The following ITPR2 variants were observed in gnomAD, a reference collection of about 807,000 sequenced individuals.
The protein encoded by ITPR2 is inositol 1,4,5-trisphosphate receptor type 2, also known as inositol 1,4,5-trisphosphate-gated calcium channel ITPR2.
A neutral mutation model predicts 317.1 loss-of-function variants in ITPR2; 207 were observed. The ratio of observed to expected loss-of-function variants is 0.65; its 90% confidence interval spans 0.58 to 0.73. ITPR2 has a LOEUF of 0.73. ITPR2 is among the 30% of genes least tolerant of loss of function. The probability of loss-of-function intolerance (pLI) is 0.00; values close to 1 mark genes in which losing one functional copy is unlikely to be tolerated. For synonymous variants in ITPR2, 1,156 were observed against 1,149.1 expected (o/e 1.01, Z -0.12); for missense variants, 2,613 against 3,284.0 (o/e 0.80, Z 4.99).
chr12:26,487,877 T>C (rs983804089), intron 39 of ITPR2, among the ~76,000 whole-genome samples: 8 of 152,252 alleles, frequency 5.3e-5, no homozygotes, highest in Admixed American at 6.5e-5. Context: ...CTTCTTTTGG[T>C]TCCTCATTAG....
At chr12:26,377,979 C>G (rs1442912082) in intron 55 of ITPR2, among the ~76,000 whole-genome samples, 4 of 152,006 alleles carry the variant, frequency 2.6e-5, no homozygotes. Context: ...TCCTTAGTGC[C>G]TTCGACCAGA....
intron 11 of ITPR2, among the ~76,000 whole-genome samples, chr12:26,686,175 A>T (rs1948120309): frequency 1.3e-5 from 2 of 152,118 alleles, no homozygotes; most frequent in Admixed American, 6.5e-5. Context: ...ATAAATGATA[A>T]ATATATAAAT....
At chr12:26,624,448 T>C (rs919032819) in intron 23 of ITPR2, 92 bp from the exon 24 acceptor site, 12 of 854,708 alleles carry the variant, frequency 1.4e-5, no homozygotes, top group Non-Finnish European at 1.8e-5. Flanking sequence ...GAAAATATTT[T>C]TGTCTTCATT....
At chr12:26,450,429 C>T (rs111934435) in intron 45 of ITPR2, among the ~76,000 whole-genome samples, 1 of 123,190 alleles carries the variant, frequency 8.1e-6, no homozygotes, top group African/African-American at 3.2e-5. Flanking sequence ...GGGTTCCTTG[C>T]AGTACTGTGA....
intron 55 of ITPR2, among the ~76,000 whole-genome samples, chr12:26,371,940 T>C (rs1226609018): frequency 6.6e-6 from 1 of 152,198 alleles, no homozygotes; most frequent in Non-Finnish European, 1.5e-5. Flanking sequence ...ATAATTCCTC[T>C]ACATAAAAGT....
intron 1 of ITPR2, among the ~76,000 whole-genome samples, chr12:26,812,278 T>C (rs1950765805): frequency 6.6e-6 from 1 of 151,924 alleles, no homozygotes; most frequent in Non-Finnish European, 1.5e-5. Flanking sequence ...TTTTACCATT[T>C]TAAAAAAAAC....
At chr12:26,647,681 CGTAA>C (rs1947145124) in intron 21 of ITPR2, among the ~76,000 whole-genome samples, 1 of 152,190 alleles carries the variant, frequency 6.6e-6, no homozygotes, top group African/African-American at 2.4e-5. Flanking sequence ...GAGAGCAAAT[CGTAA>C]GTATTAGGCA....
intron 21 of ITPR2, among the ~76,000 whole-genome samples, chr12:26,652,665 T>C (rs1947284192): frequency 6.6e-6 from 1 of 152,178 alleles, no homozygotes; most frequent in Non-Finnish European, 1.5e-5. Flanking sequence ...GCCAAGTAGC[T>C]AATAGCTGGC....
At chr12:26,385,991 T>C (rs1281548554) in intron 55 of ITPR2, among the ~76,000 whole-genome samples, 1 of 152,192 alleles carries the variant, frequency 6.6e-6, no homozygotes, top group African/African-American at 2.4e-5. Flanking sequence ...CTTTAGTGTA[T>C]AGTATACCCA....
chr12:26,763,615 T>TC (rs1949673898), intron 2 of ITPR2, among the ~76,000 whole-genome samples: 1 of 152,156 alleles, frequency 6.6e-6, no homozygotes, highest in Non-Finnish European at 1.5e-5. Context: ...TTGTGTAATT[T>TC]TTATTTCTTT....
At position 26,596,837 on chromosome 12, in the gene ITPR2, A is replaced by C. The variant is rs1282254120; in HGVS notation, c.4254+46T>G. 30 of 1,482,364 alleles carry C rather than the reference A, an allele frequency of 2.0e-5. No homozygotes were observed. The Admixed American group carries it at 7.2e-4, about 35-fold the overall frequency. The allele number at this position is 1,482,364 out of a possible 1,614,324, so 91.8% of individuals were successfully genotyped here. A position where few individuals can be genotyped will look rare whatever the true frequency, so the allele number is the denominator to read the frequency against. ...TCTGGCACCTAGATAAACTTCAAAA[A>C]TTAATAATGATTCTATTAGAGCTGC... On this transcript the variant is annotated intron_variant, in intron 31 of 56. Coordinates refer to ENST00000381340, the MANE Select transcript of ITPR2 (RefSeq NM_002223.4).
chr12:26,556,399 C>A, intron 35 of ITPR2, 24 bp from the exon 36 acceptor site: 1 of 1,600,340 alleles, frequency 6.2e-7, no homozygotes, highest in Non-Finnish European at 8.5e-7. Flanking sequence ...CACAAGAGAA[C>A]CCACATGAAG....
chr12:26,643,697 T>C (rs1591991334), intron 21 of ITPR2, among the ~76,000 whole-genome samples: 1 of 152,204 alleles, frequency 6.6e-6, no homozygotes, highest in East Asian at 1.9e-4. Context: ...TGAGTTGTAT[T>C]CATGCCCTAC....
chr12:26,559,424 G>T (rs1403863774), intron 35 of ITPR2, among the ~76,000 whole-genome samples: 1 of 152,186 alleles, frequency 6.6e-6, no homozygotes, highest in Non-Finnish European at 1.5e-5. Flanking sequence ...GTCTGGTGAG[G>T]ATGCACTTCC....
chr12:26,474,944 T>A (rs1471717233), intron 45 of ITPR2, among the ~76,000 whole-genome samples: 2 of 152,278 alleles, frequency 1.3e-5, no homozygotes, highest in Admixed American at 6.5e-5. Flanking sequence ...TAGGACTGAA[T>A]GCACCCCCTC....
At chr12:26,577,099 C>T (rs879528358) in intron 34 of ITPR2, among the ~76,000 whole-genome samples, 1 of 152,246 alleles carries the variant, frequency 6.6e-6, no homozygotes, top group East Asian at 1.9e-4. Context: ...GACTTCCCAG[C>T]CTCCAGAACT....
intron 45 of ITPR2, 152 bp from the exon 46 acceptor site, chr12:26,443,802 A>G: frequency 5.3e-6 from 3 of 561,442 alleles, no homozygotes. Context: ...TCTGTATTTG[A>G]AAGGCAGAGA....
intron 37 of ITPR2, among the ~76,000 whole-genome samples, chr12:26,527,774 T>C (rs933129409): frequency 6.6e-6 from 1 of 152,202 alleles, no homozygotes; most frequent in Non-Finnish European, 1.5e-5. Flanking sequence ...CACAGAAACA[T>C]GAACCTGACA....
At chr12:26,721,633 G>T (rs907816511) in intron 5 of ITPR2, among the ~76,000 whole-genome samples, 1 of 151,950 alleles carries the variant, frequency 6.6e-6, no homozygotes, top group Non-Finnish European at 1.5e-5. Flanking sequence ...GGACTATCAC[G>T]CAGTATTTTA....
Sources: gnomAD v4.1 joint callset for allele counts (sites outside exome capture counted in the v4.1 genomes callset) on GRCh38, gnomAD v4.1.1 for gene constraint, MANE v1.5 for transcripts, NCBI Gene and HGNC (gene_info 2026-07-23, HGNC 2026-07-21) for gene names.